The following OPCML variants were observed in gnomAD, a reference collection of about 807,000 sequenced individuals.
OPCML encodes opioid binding protein/cell adhesion molecule like.
Under a neutral mutation model 37.8 loss-of-function variants are expected in OPCML, and 13 were observed. The observed-to-expected ratio is 0.34, with a 90% CI of 0.22 to 0.55. OPCML has a LOEUF of 0.55. OPCML is among the 20% of genes least tolerant of loss of function. OPCML has a pLI of 0.91. For missense variants in OPCML, 341 were observed against 435.6 expected (o/e 0.78, Z 1.93); for synonymous variants, 176 against 168.8 (o/e 1.04, Z -0.33).
At chr11:132,740,143 G>A (rs1191613631) in intron 2 of OPCML, among the ~76,000 whole-genome samples, 1 of 152,212 alleles carries the variant, frequency 6.6e-6, no homozygotes. Flanking sequence ...AAATAGTCAG[G>A]AAAAGATGCT....
intron 1 of OPCML, chr11:133,008,484 A>AAATAC: frequency 1.1e-6 from 1 of 931,052 alleles, no homozygotes; most frequent in Non-Finnish European, 1.3e-6. Context: ...CCTTTGGGAG[A>AAATAC]GAAGAACGTA....
At chr11:133,489,831 T>C (rs1034067802) in intron 1 of OPCML, among the ~76,000 whole-genome samples, 8 of 142,056 alleles carry the variant, frequency 5.6e-5, no homozygotes, top group African/African-American at 2.2e-4. Context: ...TGTGTGTGTA[T>C]ATACATATAT....
chr11:132,815,919 A>G (rs1030172061), intron 2 of OPCML, among the ~76,000 whole-genome samples: 1 of 152,354 alleles, frequency 6.6e-6, no homozygotes, highest in East Asian at 1.9e-4. Flanking sequence ...CACAAGGAAG[A>G]TAAGATGGGT....
Position 132,588,345 on chromosome 11 carries a change from G to A in OPCML, c.380-59159C>T, listed in dbSNP as rs1327439872. ...ATGAGGTTCTTGGTCAACCCACAAG[G>A]CCAAGTGTCTAGACCAGCAGAGATG... is the stretch of plus-strand genomic sequence containing the variant. On this transcript the variant is annotated intron_variant, in intron 3 of 7. Coordinates refer to ENST00000524381, the MANE Select transcript of OPCML (RefSeq NM_001012393.5). 2.6e-5 allele frequency among the ~76,000 whole-genome samples: 4 copies of A among 152,150 alleles called. No individual in the cohort carries two copies. In the East Asian group the frequency reaches 7.7e-4, roughly 29 times the overall value.
intron 2 of OPCML, among the ~76,000 whole-genome samples, chr11:132,714,466 A>C (rs1174609093): frequency 1.3e-5 from 2 of 152,210 alleles, no homozygotes; most frequent in Non-Finnish European, 2.9e-5. Context: ...ATCTTCTTCT[A>C]CAGTAATTCA....
At chr11:133,103,509 G>T (rs933025687) in intron 1 of OPCML, among the ~76,000 whole-genome samples, 2 of 152,200 alleles carry the variant, frequency 1.3e-5, no homozygotes, top group African/African-American at 4.8e-5. Flanking sequence ...AGGCATGGAG[G>T]TGTGGATTAG....
intron 3 of OPCML, among the ~76,000 whole-genome samples, chr11:132,570,823 T>C (rs2137564848): frequency 9.0e-6 from 1 of 111,292 alleles, no homozygotes; most frequent in African/African-American, 3.7e-5. Context: ...AGAGAGAGGA[T>C]ATATACTTTA....
intron 1 of OPCML, among the ~76,000 whole-genome samples, chr11:133,088,681 C>T (rs748181462): frequency 6.6e-6 from 1 of 152,132 alleles, no homozygotes; most frequent in Non-Finnish European, 1.5e-5. Context: ...CTTTCTGCAA[C>T]AAGACTTTAA....
intron 2 of OPCML, among the ~76,000 whole-genome samples, chr11:132,874,257 C>T (rs1011623891): frequency 1.3e-5 from 2 of 152,132 alleles, no homozygotes; most frequent in African/African-American, 2.4e-5. Flanking sequence ...GAGCCTGGCT[C>T]AGTTGATAGA....
intron 4 of OPCML, among the ~76,000 whole-genome samples, chr11:132,528,078 G>A (rs959056688): frequency 6.6e-6 from 1 of 152,112 alleles, no homozygotes; most frequent in Non-Finnish European, 1.5e-5. Context: ...CCAGAGAAGT[G>A]AGGAGATAAA....
intron 7 of OPCML, among the ~76,000 whole-genome samples, chr11:132,433,474 C>A (rs948831412): frequency 1.3e-5 from 2 of 152,096 alleles, no homozygotes; most frequent in Non-Finnish European, 2.9e-5. Flanking sequence ...TTGAAGCAGG[C>A]GTTAATGTCC....
rs115755291 is a variant in OPCML at position 132,658,278 on chromosome 11, A to G, written c.147-959T>C. Among the ~76,000 whole-genome samples the G allele has an allele frequency of 2.0e-3, 311 of 152,356 alleles. 3 individuals carry two copies. Among genetic ancestry groups the G allele is most frequent in the African/African-American group, 7.0e-3 (290 of 41,592 alleles). On this transcript the variant is annotated intron_variant, in intron 2 of 7. Transcript: ENST00000524381. ...ACCACTCTTGCCAATGTCCTGGCAG[A>G]GAGAGGAGGGACTTGAGTCCAGCAC... is the stretch of plus-strand genomic sequence containing the variant.
chr11:133,121,852 C>T (rs1375578563), intron 1 of OPCML, among the ~76,000 whole-genome samples: 1 of 152,170 alleles, frequency 6.6e-6, no homozygotes, highest in Non-Finnish European at 1.5e-5. Flanking sequence ...TTCTATTTGA[C>T]AAGTGGTTTC....
At chr11:132,461,349 T>C (rs555821170) in intron 4 of OPCML, among the ~76,000 whole-genome samples, 1 of 152,218 alleles carries the variant, frequency 6.6e-6, no homozygotes, top group South Asian at 2.1e-4. Flanking sequence ...ATGCCTAGGA[T>C]ATGAAGCCTC....
intron 1 of OPCML, among the ~76,000 whole-genome samples, chr11:133,187,526 C>T (rs55649525): frequency 0.13 from 19,456 of 152,038 alleles, 1,372 homozygotes; most frequent in Middle Eastern, 0.2. Flanking sequence ...GTTGGTTTTT[C>T]TGGCCTAGCT....
intron 1 of OPCML, among the ~76,000 whole-genome samples, chr11:133,237,075 G>A (rs1940549978): frequency 6.6e-6 from 1 of 152,192 alleles, no homozygotes; most frequent in Non-Finnish European, 1.5e-5. Flanking sequence ...ACATGGGGAA[G>A]GAGTCCTCTG....
At chr11:133,081,833 C>T (rs955379598) in intron 1 of OPCML, among the ~76,000 whole-genome samples, 4 of 152,072 alleles carry the variant, frequency 2.6e-5, no homozygotes, top group African/African-American at 9.7e-5. Context: ...CTGGCAGCGC[C>T]CCTCCCCGCC....
intron 3 of OPCML, among the ~76,000 whole-genome samples, chr11:132,564,267 G>A (rs559691286): frequency 1.3e-5 from 2 of 152,324 alleles, no homozygotes; most frequent in African/African-American, 4.8e-5. Flanking sequence ...GAAATGAAGT[G>A]CGTGAGAGAC....
chr11:132,552,293 C>T (rs148740395), intron 3 of OPCML, among the ~76,000 whole-genome samples: 1 of 152,308 alleles, frequency 6.6e-6, no homozygotes, highest in African/African-American at 2.4e-5. Context: ...TAAGACATTA[C>T]ATGAGACCTC....
Sources: allele counts gnomAD v4.1 joint callset (sites outside exome capture counted in the v4.1 genomes callset), GRCh38; gene constraint gnomAD v4.1.1; transcripts MANE v1.5; gene names NCBI Gene and HGNC (gene_info 2026-07-23, HGNC 2026-07-21).